Variants in THADA observed in about 807,000 individuals in gnomAD.
The protein encoded by THADA is THADA armadillo repeat containing, also known as tRNA (32-2'-O)-methyltransferase regulator THADA.
THADA carries 213 observed loss-of-function variants against 219.8 expected under a neutral mutation model. The ratio of observed to expected loss-of-function variants is 0.97; its 90% CI spans 0.87 to 1.09. The LOEUF (loss-of-function observed/expected upper bound fraction) is 1.09, where lower values mean the gene tolerates loss of function less well. THADA is among the 50% of genes least tolerant of loss of function. The probability of loss-of-function intolerance (pLI) is 0.00; values close to 1 mark genes in which losing one functional copy is unlikely to be tolerated. For synonymous variants in THADA, 1,018 were observed against 828.9 expected (o/e 1.23, Z -3.92); for missense variants, 2,956 against 2,311.3 (o/e 1.28, Z -5.72).
At chr2:43,586,612 AC>A in intron 6 of THADA, 89 bp downstream of exon 6, 1 of 1,425,286 alleles carries the variant, frequency 7.0e-7, no homozygotes. Context: ...ACAATGCTCT[AC>A]CTATTACCAA....
chr2:43,542,873 T>A (rs1014955643), intron 20 of THADA, among the ~76,000 whole-genome samples: 2 of 152,158 alleles, frequency 1.3e-5, no homozygotes, highest in South Asian at 2.1e-4. Flanking sequence ...AATTTAATTT[T>A]ATTATTATTA....
At chr2:43,539,272 C>A (rs1694996642) in intron 21 of THADA, among the ~76,000 whole-genome samples, 1 of 152,200 alleles carries the variant, frequency 6.6e-6, no homozygotes. Context: ...CAACTATGCT[C>A]TTGGAAGGGT....
At chr2:43,378,566 G>A (rs2104646570) in intron 29 of THADA, among the ~76,000 whole-genome samples, 1 of 152,272 alleles carries the variant, frequency 6.6e-6, no homozygotes, top group East Asian at 1.9e-4. Flanking sequence ...GATGATAGCT[G>A]TCTTATTATA....
chr2:43,319,853 C>A (rs796321742), intron 31 of THADA, among the ~76,000 whole-genome samples: 36 of 152,246 alleles, frequency 2.4e-4, no homozygotes, highest in African/African-American at 8.7e-4. Context: ...TATATAAACA[C>A]ATCAAAAAAA....
At chr2:43,568,610 T>A (rs1270153393) in intron 14 of THADA, among the ~76,000 whole-genome samples, 1 of 152,172 alleles carries the variant, frequency 6.6e-6, no homozygotes, top group African/African-American at 2.4e-5. Flanking sequence ...AGCTTTTGTG[T>A]TTCCAAGTAC....
intron 26 of THADA, among the ~76,000 whole-genome samples, chr2:43,431,379 C>A (rs953417414): frequency 6.6e-6 from 1 of 152,192 alleles, no homozygotes; most frequent in Non-Finnish European, 1.5e-5. Flanking sequence ...AAACTCCCGC[C>A]CCACAAAGGA....
chr2:43,456,971 T>A (rs77039549), intron 26 of THADA, among the ~76,000 whole-genome samples: 21 of 152,298 alleles, frequency 1.4e-4, no homozygotes, highest in African/African-American at 4.8e-4. Flanking sequence ...TAAAAAATTT[T>A]ACACAGCATT....
In THADA at chr2:43,286,152, T is replaced by C. The variant is rs182407876; in HGVS notation, c.5164+756A>G. Among the ~76,000 whole-genome samples, 39 of 152,198 alleles carry C rather than the reference T, an allele frequency of 2.6e-4. 1 individual carries two copies. Among genetic ancestry groups the C allele is most frequent in the African/African-American group, 8.2e-4 (34 of 41,528 alleles). Reference sequence around the variant, plus strand: ...CAGTTAGGCTGTTTTGAAAGACAAATAGAAGTCAGTCAAGCAGTGGTTTGT... The same window carrying C: ...CAGTTAGGCTGTTTTGAAAGACAAACAGAAGTCAGTCAAGCAGTGGTTTGT... On this transcript the variant is annotated intron_variant, in intron 35 of 37. Transcript: ENST00000405975.
chr2:43,437,903 C>T (rs1159936386), intron 26 of THADA, among the ~76,000 whole-genome samples: 3 of 152,046 alleles, frequency 2.0e-5, no homozygotes, highest in Non-Finnish European at 4.4e-5. Context: ...CTCAAGTGAT[C>T]ACTGAATAAA....
intron 23 of THADA, among the ~76,000 whole-genome samples, chr2:43,506,547 G>A (rs1230325724): frequency 1.3e-5 from 2 of 152,210 alleles, no homozygotes; most frequent in African/African-American, 2.4e-5. Flanking sequence ...CTGGAAGGTA[G>A]ATTAGTGATT....
At chr2:43,505,222 A>G (rs911597956) in intron 24 of THADA, among the ~76,000 whole-genome samples, 2 of 152,214 alleles carry the variant, frequency 1.3e-5, no homozygotes, top group African/African-American at 4.8e-5. Flanking sequence ...ATTATAAAAT[A>G]TCTTATATAA....
intron 20 of THADA, among the ~76,000 whole-genome samples, chr2:43,546,848 A>C (rs540214843): frequency 1.3e-5 from 2 of 152,302 alleles, no homozygotes; most frequent in East Asian, 3.9e-4. Flanking sequence ...GTGTCTTTCA[A>C]TTGGAGCATT....
intron 17 of THADA, among the ~76,000 whole-genome samples, chr2:43,552,674 C>G (rs1696882423): frequency 6.6e-6 from 1 of 152,082 alleles, no homozygotes; most frequent in African/African-American, 2.4e-5. Context: ...AAAAAAAGAA[C>G]AGCTTTTCTG....
intron 36 of THADA, among the ~76,000 whole-genome samples, chr2:43,237,606 G>T (rs1668179632): frequency 6.6e-6 from 1 of 151,228 alleles, no homozygotes; most frequent in Non-Finnish European, 1.5e-5. Flanking sequence ...TCACCATCTT[G>T]GCCAGGCTGG....
intron 36 of THADA, among the ~76,000 whole-genome samples, chr2:43,255,291 GT>G (rs1670193142): frequency 6.6e-6 from 1 of 152,204 alleles, no homozygotes; most frequent in South Asian, 2.1e-4. Context: ...GCTCTGCACA[GT>G]GACTATTATG....
At chr2:43,586,336 TC>T (rs1313750365) in intron 7 of THADA, 64 bp downstream of exon 7, 1 of 1,303,424 alleles carries the variant, frequency 7.7e-7, no homozygotes, top group African/African-American at 1.5e-5. Flanking sequence ...TTTAAATTTT[TC>T]TTTGTACAAA....
At chr2:43,350,737 C>G (rs1009700779) in intron 29 of THADA, among the ~76,000 whole-genome samples, 3 of 152,224 alleles carry the variant, frequency 2.0e-5, no homozygotes, top group Non-Finnish European at 4.4e-5. Flanking sequence ...CATGAATCCA[C>G]CAATCTGCTA....
intron 29 of THADA, among the ~76,000 whole-genome samples, chr2:43,384,196 G>T (rs1457391168): frequency 6.6e-6 from 1 of 152,154 alleles, no homozygotes; most frequent in East Asian, 1.9e-4. Context: ...GCTAGGACAA[G>T]GGGAGAGTAA....
At chr2:43,310,552 T>C (rs761594541) in intron 31 of THADA, among the ~76,000 whole-genome samples, 10 of 152,204 alleles carry the variant, frequency 6.6e-5, no homozygotes, top group Non-Finnish European at 1.0e-4. Flanking sequence ...GCCAAAGGAA[T>C]GAGGCTGAAT....
Sources: allele counts gnomAD v4.1 joint callset (sites outside exome capture counted in the v4.1 genomes callset), GRCh38; gene constraint gnomAD v4.1.1; transcripts MANE v1.5; gene names NCBI Gene and HGNC (gene_info 2026-07-23, HGNC 2026-07-21).